Variants in NKAIN2 observed in about 807,000 individuals in gnomAD.
The protein encoded by NKAIN2 is sodium/potassium-transporting ATPase subunit beta-1-interacting protein 2.
In NKAIN2, 14 loss-of-function variants were observed where a neutral mutation model predicts 32.6. That is an observed-to-expected ratio of 0.43 (90% CI 0.28 to 0.67). The LOEUF is 0.67. Among genes scored for constraint, NKAIN2 ranks in the 30% least tolerant of loss-of-function variants. The pLI is 0.17. For missense variants in NKAIN2, 198 were observed against 258.3 expected, an observed-to-expected ratio of 0.77 and a Z score of 1.60; for synonymous variants, 80 against 87.2, an observed-to-expected ratio of 0.92 and a Z score of 0.46.
At chr6:124,106,538 A>G (rs1785129362) in intron 1 of NKAIN2, among the ~76,000 whole-genome samples, 2 of 152,214 alleles carry the variant, frequency 1.3e-5, no homozygotes, top group South Asian at 4.1e-4. Context: ...CTTGGATAAA[A>G]ACTTACAGAG....
At chr6:124,647,122 T>TAA (rs202124479) in intron 3 of NKAIN2, among the ~76,000 whole-genome samples, 6 of 150,338 alleles carry the variant, frequency 4.0e-5, no homozygotes, top group East Asian at 3.9e-4. Flanking sequence ...AGGAAAACTG[T>TAA]AAAAAAAAAG....
intron 4 of NKAIN2, among the ~76,000 whole-genome samples, chr6:124,685,372 G>A (rs1033326263): frequency 2.0e-5 from 3 of 152,284 alleles, no homozygotes; most frequent in East Asian, 1.9e-4. Flanking sequence ...ATTGCTTAAT[G>A]TAGTGGTTTC....
chr6:124,083,116 A>G (rs1199005595), intron 1 of NKAIN2, among the ~76,000 whole-genome samples: 1 of 151,996 alleles, frequency 6.6e-6, no homozygotes, highest in Non-Finnish European at 1.5e-5. Context: ...CAAAGGAACT[A>G]TATGTTTGTA....
chr6:124,405,088 A>T (rs1460369511), intron 3 of NKAIN2, among the ~76,000 whole-genome samples: 1 of 152,152 alleles, frequency 6.6e-6, no homozygotes, highest in East Asian at 1.9e-4. Flanking sequence ...ACTACTTTTG[A>T]CAACTTACCT....
chr6:124,014,066 A>G (rs1780459954), intron 1 of NKAIN2, among the ~76,000 whole-genome samples: 1 of 152,214 alleles, frequency 6.6e-6, no homozygotes, highest in Admixed American at 6.5e-5. Flanking sequence ...TAGCAGCAAC[A>G]GGAAACTAAT....
intron 1 of NKAIN2, among the ~76,000 whole-genome samples, chr6:124,171,364 A>T (rs1788844623): frequency 6.6e-6 from 1 of 152,142 alleles, no homozygotes. Context: ...GAAGTGAAAC[A>T]GCAAGATTTG....
At chr6:124,469,511 G>T (rs563919624) in intron 3 of NKAIN2, among the ~76,000 whole-genome samples, 1 of 152,126 alleles carries the variant, frequency 6.6e-6, no homozygotes, top group African/African-American at 2.4e-5. Context: ...TTTATTCAGT[G>T]TTATCCTGAT....
chr6:124,590,581 G>A (rs180770072), intron 3 of NKAIN2, among the ~76,000 whole-genome samples: 1 of 152,240 alleles, frequency 6.6e-6, no homozygotes, highest in African/African-American at 2.4e-5. Context: ...GAGGCCCCAG[G>A]CACAGTCACC....
At chr6:124,557,327 A>G (rs899627279) in intron 3 of NKAIN2, among the ~76,000 whole-genome samples, 2 of 152,118 alleles carry the variant, frequency 1.3e-5, no homozygotes, top group African/African-American at 4.8e-5. Flanking sequence ...GATTTTTCTA[A>G]AGATGACTTG....
intron 3 of NKAIN2, among the ~76,000 whole-genome samples, chr6:124,589,423 T>G (rs1781826844): frequency 6.6e-6 from 1 of 152,202 alleles, no homozygotes; most frequent in African/African-American, 2.4e-5. Context: ...TAAAACACTT[T>G]GAACACAATA....
At chr6:124,610,791 A>G (rs1782659941) in intron 3 of NKAIN2, among the ~76,000 whole-genome samples, 1 of 152,184 alleles carries the variant, frequency 6.6e-6, no homozygotes, top group Non-Finnish European at 1.5e-5. Flanking sequence ...TTTTAAAATG[A>G]ATAAAATTTT....
chr6:123,940,010 A>G (rs940158399), intron 1 of NKAIN2, among the ~76,000 whole-genome samples: 1 of 151,964 alleles, frequency 6.6e-6, no homozygotes, highest in South Asian at 2.1e-4. Flanking sequence ...TAGCAGGTCT[A>G]GCCTCTATTT....
intron 4 of NKAIN2, among the ~76,000 whole-genome samples, chr6:124,746,297 A>G (rs987222407): frequency 6.6e-6 from 1 of 151,934 alleles, no homozygotes; most frequent in African/African-American, 2.4e-5. Context: ...AGTGCTTTTA[A>G]TAAGTAAGGA....
chr6:124,715,386 C>G (rs1775702172), intron 4 of NKAIN2, among the ~76,000 whole-genome samples: 1 of 152,140 alleles, frequency 6.6e-6, no homozygotes, highest in Admixed American at 6.5e-5. Context: ...GTCTTCTGAC[C>G]TGCTATCTTC....
At chr6:124,113,476 C>G (rs1165256477) in intron 1 of NKAIN2, among the ~76,000 whole-genome samples, 1 of 152,078 alleles carries the variant, frequency 6.6e-6, no homozygotes, top group Non-Finnish European at 1.5e-5. Flanking sequence ...CGTTTGCTCA[C>G]TCTGTGCTGA....
In NKAIN2 at chr6:124,102,201, G is replaced by A. The variant is rs113128011; in HGVS notation, c.55-180804G>A. Among the ~76,000 whole-genome samples, 520 of 152,278 alleles carry A rather than the reference G, an allele frequency of 3.4e-3. 1 individual carries two copies. The highest frequency in any genetic ancestry group is 6.3e-3 in the Non-Finnish European group (428 of 68,012). On this transcript the variant is annotated intron_variant, in intron 1 of 6. Transcript: ENST00000368417. ...GGAAAAGGACAACATGATGTGGTGC[G>A]GGGACCACTGCCCCTTCACTGGTAT... is the stretch of plus-strand genomic sequence containing the variant.
chr6:123,847,780 G>A (rs916334529), intron 1 of NKAIN2, among the ~76,000 whole-genome samples: 1 of 152,032 alleles, frequency 6.6e-6, no homozygotes, highest in African/African-American at 2.4e-5. Context: ...GTCTGAAGTG[G>A]TGAAACTTTA....
chr6:124,581,851 C>A (rs1781537759), intron 3 of NKAIN2, among the ~76,000 whole-genome samples: 1 of 152,008 alleles, frequency 6.6e-6, no homozygotes, highest in Admixed American at 6.5e-5. Flanking sequence ...GTAAAACATA[C>A]CAAAAACCAG....
chr6:123,878,707 C>G (rs537690420), intron 1 of NKAIN2, among the ~76,000 whole-genome samples: 1 of 152,246 alleles, frequency 6.6e-6, no homozygotes, highest in South Asian at 2.1e-4. Flanking sequence ...CCACCCACTA[C>G]TGATGCTCTG....
Sources: gnomAD v4.1 joint callset for allele counts (sites outside exome capture counted in the v4.1 genomes callset) on GRCh38, gnomAD v4.1.1 for gene constraint, MANE v1.5 for transcripts, NCBI Gene and HGNC (gene_info 2026-07-23, HGNC 2026-07-21) for gene names.